Variants in SEMA6D observed in about 807,000 individuals in gnomAD.
SEMA6D encodes semaphorin 6D, also known as semaphorin-6D.
In SEMA6D, 35 loss-of-function variants were observed where a neutral mutation model predicts 106.6. The observed-to-expected ratio is 0.33, with a 90% CI of 0.25 to 0.44. SEMA6D has a LOEUF of 0.44. SEMA6D is among the 20% of genes least tolerant of loss of function. SEMA6D has a pLI of 1.00. For missense variants in SEMA6D, 1,185 were observed against 1,345.9 expected (o/e 0.88, Z 1.87); for synonymous variants, 499 against 487.7 (o/e 1.02, Z -0.31).
intron 1 of SEMA6D, among the ~76,000 whole-genome samples, chr15:47,301,091 T>C (rs2036000251): frequency 6.6e-6 from 1 of 152,204 alleles, no homozygotes. Context: ...GAAAAGTTAT[T>C]GGGAGCTAGA....
intron 4 of SEMA6D, among the ~76,000 whole-genome samples, chr15:47,662,077 G>T (rs1296147308): frequency 6.6e-6 from 1 of 152,192 alleles, no homozygotes; most frequent in Non-Finnish European, 1.5e-5. Flanking sequence ...GAGTGGAGCT[G>T]TATGTTAGAG....
chr15:47,635,129 A>G (rs1278464114), intron 4 of SEMA6D, among the ~76,000 whole-genome samples: 1 of 152,152 alleles, frequency 6.6e-6, no homozygotes, highest in African/African-American at 2.4e-5. Context: ...ACCTCCCTGT[A>G]AAGTCTGCCT....
chr15:47,611,982 G>A (rs931682847), intron 4 of SEMA6D, among the ~76,000 whole-genome samples: 77 of 152,252 alleles, frequency 5.1e-4, no homozygotes, highest in African/African-American at 1.7e-3. Flanking sequence ...AGGGAATGAA[G>A]GGGAAATGAA....
chr15:47,651,945 C>T (rs561857227), intron 4 of SEMA6D, among the ~76,000 whole-genome samples: 1 of 152,308 alleles, frequency 6.6e-6, no homozygotes, highest in African/African-American at 2.4e-5. Context: ...CTTGGATGAT[C>T]AGAAGTCTAC....
intron 3 of SEMA6D, among the ~76,000 whole-genome samples, chr15:47,484,490 T>C (rs1275610307): frequency 6.6e-6 from 1 of 152,164 alleles, no homozygotes; most frequent in African/African-American, 2.4e-5. Context: ...CAGGTTATGG[T>C]TTTGATTAAA....
intron 3 of SEMA6D, among the ~76,000 whole-genome samples, chr15:47,521,584 T>G (rs2044579537): frequency 6.6e-6 from 1 of 152,166 alleles, no homozygotes; most frequent in Non-Finnish European, 1.5e-5. Flanking sequence ...ATTTCCTTCT[T>G]TTTGACTACA....
intron 2 of SEMA6D, among the ~76,000 whole-genome samples, chr15:47,454,599 G>GCACATGCA: frequency 6.7e-6 from 1 of 148,990 alleles, no homozygotes; most frequent in African/African-American, 2.5e-5. Flanking sequence ...TTGCACATGT[G>GCACATGCA]CACACACACA....
intron 1 of SEMA6D, among the ~76,000 whole-genome samples, chr15:47,758,964 A>C (rs1274444430): frequency 6.6e-6 from 1 of 152,172 alleles, no homozygotes; most frequent in South Asian, 2.1e-4. Flanking sequence ...CACAGCTCTG[A>C]AGTTCAATAA....
At chr15:47,258,494 G>A (rs1187389028) in intron 1 of SEMA6D, among the ~76,000 whole-genome samples, 2 of 152,178 alleles carry the variant, frequency 1.3e-5, no homozygotes, top group Non-Finnish European at 2.9e-5. Flanking sequence ...GAACAAAAAG[G>A]TGGAGGAAGA....
chr15:47,254,971 G>A (rs1401472919), intron 1 of SEMA6D, among the ~76,000 whole-genome samples: 1 of 149,422 alleles, frequency 6.7e-6, no homozygotes, highest in Non-Finnish European at 1.5e-5. Context: ...GAGTTTTGAA[G>A]TATTCCCTCT....
chr15:47,393,695 C>G (rs902445256), intron 1 of SEMA6D, among the ~76,000 whole-genome samples: 2 of 151,654 alleles, frequency 1.3e-5, no homozygotes. Context: ...CAGGGAAACC[C>G]AGCGTGAAAT....
At chr15:47,358,553 T>G (rs1164443510) in intron 1 of SEMA6D, among the ~76,000 whole-genome samples, 1 of 152,238 alleles carries the variant, frequency 6.6e-6, no homozygotes, top group East Asian at 1.9e-4. Flanking sequence ...TGATTCCTAC[T>G]CCTTTACCCT....
chr15:47,296,593 A>G (rs1385266864), intron 1 of SEMA6D, among the ~76,000 whole-genome samples: 1 of 152,240 alleles, frequency 6.6e-6, no homozygotes. Context: ...AACATATTTT[A>G]TAACAACATA....
intron 1 of SEMA6D, among the ~76,000 whole-genome samples, chr15:47,294,603 C>T (rs772137444): frequency 6.6e-6 from 1 of 152,120 alleles, no homozygotes; most frequent in Non-Finnish European, 1.5e-5. Flanking sequence ...CTGACTTCCT[C>T]CTGAGGTAGG....
chr15:47,553,746 C>CA lies in SEMA6D; in HGVS notation c.-86-47108dup, dbSNP rs951067238. On this transcript the variant is annotated intron_variant, in intron 3 of 19. Transcript: ENST00000558014. ...ATTTCAGTGTTGTTTGATAAGAAGG[C>CA]AAAAAAAAAAATTAAATGTCTGTGA... Among the ~76,000 whole-genome samples, 87 of 141,998 alleles carry CA rather than the reference C, an allele frequency of 6.1e-4. 2 individuals are homozygous for CA. The highest frequency in any genetic ancestry group is 2.8e-3 in the East Asian group (14 of 4,914). 93.2% of individuals were successfully genotyped at this position (141,998 alleles called of 152,430 possible). A position where few individuals can be genotyped will look rare whatever the true frequency, so the allele number is the denominator to read the frequency against.
chr15:47,745,450 C>T (rs1000812093), intron 1 of SEMA6D, among the ~76,000 whole-genome samples: 1 of 152,230 alleles, frequency 6.6e-6, no homozygotes, highest in Admixed American at 6.5e-5. Context: ...TGTTCTCTAC[C>T]CCGTACGCCA....
chr15:47,410,164 G>T (rs1224559038), intron 1 of SEMA6D, among the ~76,000 whole-genome samples: 14 of 128,190 alleles, frequency 1.1e-4, no homozygotes, highest in Non-Finnish European at 1.7e-4. Context: ...TTTTTTTTTT[G>T]GTAAAGAAGG....
chr15:47,401,322 T>G (rs968944607), intron 1 of SEMA6D, among the ~76,000 whole-genome samples: 3 of 152,216 alleles, frequency 2.0e-5, no homozygotes, highest in African/African-American at 7.2e-5. Flanking sequence ...ACGTGTGCCA[T>G]GCACTATGAC....
At chr15:47,588,469 T>C (rs1416356871) in intron 3 of SEMA6D, among the ~76,000 whole-genome samples, 1 of 152,136 alleles carries the variant, frequency 6.6e-6, no homozygotes, top group East Asian at 1.9e-4. Context: ...CTTTCCTCTT[T>C]TGTAAGCCAT....
Sources: allele counts gnomAD v4.1 joint callset (sites outside exome capture counted in the v4.1 genomes callset), GRCh38; gene constraint gnomAD v4.1.1; transcripts MANE v1.5; gene names NCBI Gene and HGNC (gene_info 2026-07-23, HGNC 2026-07-21).